RBKS: variants seen among roughly 807,000 people sequenced by gnomAD.
RBKS encodes ribokinase.
RBKS carries 33 observed loss-of-function variants against 33.9 expected under a neutral mutation model. The observed-to-expected ratio is 0.97, with a 90% CI of 0.74 to 1.30. RBKS has a LOEUF of 1.30. Ranked by LOEUF, RBKS falls within the 50% of genes most tolerant of loss-of-function variation. The pLI is 0.00. For missense variants in RBKS, 361 were observed against 392.6 expected (o/e 0.92, Z 0.68); for synonymous variants, 125 against 143.0 (o/e 0.87, Z 0.90).
intron 7 of RBKS, among the ~76,000 whole-genome samples, chr2:27,803,433 C>T (rs894534408): frequency 2.0e-5 from 3 of 152,152 alleles, no homozygotes; most frequent in African/African-American, 7.2e-5. Context: ...TGTGGTGGCT[C>T]ATGCCTGTAA....
At chr2:27,782,559 GT>G in intron 7 of RBKS, 1 of 453,396 alleles carries the variant, frequency 2.2e-6, no homozygotes, top group Non-Finnish European at 4.6e-6. Context: ...GGATATGTCC[GT>G]TTTTCTTACA....
At chr2:27,877,699 C>T (rs1223022944) in intron 1 of RBKS, among the ~76,000 whole-genome samples, 2 of 152,112 alleles carry the variant, frequency 1.3e-5, no homozygotes, top group Non-Finnish European at 2.9e-5. Context: ...TTAGTGTTTC[C>T]TTATAAAAGA....
Position 27,858,560 on chromosome 2 carries a change from C to T in RBKS, c.101G>A (p.Arg34His), listed in dbSNP as rs369972719. The T allele has an allele frequency of 6.3e-5, 102 of 1,612,708 alleles. No individual in the cohort carries two copies. The Admixed American group carries it at 7.7e-4, about 12-fold the overall frequency. ...CMTDLVSLTS[R>H]LPKTGETIHG... ...GATGGTTTCTCCAGTTTTTGGCAAA[C>T]GAGAAGTAAGACTATTGTAATTTAA... The change falls in exon 2 of 8, where the codon CGT becomes CAT. Residue 34 changes from arginine (R) to histidine (H), a missense_variant. Physicochemically the swap from Arg to His is conservative, Grantham distance 29 (BLOSUM62 0). Coordinates refer to ENST00000302188, the MANE Select transcript of RBKS (RefSeq NM_022128.3).
At chr2:27,817,556 T>A (rs960698093) in intron 7 of RBKS, among the ~76,000 whole-genome samples, 2 of 152,208 alleles carry the variant, frequency 1.3e-5, no homozygotes, top group Non-Finnish European at 2.9e-5. Flanking sequence ...AAAGGAGGTT[T>A]AACTGACTCA....
At chr2:27,849,066 A>G (rs1663681193) in intron 2 of RBKS, among the ~76,000 whole-genome samples, 1 of 152,158 alleles carries the variant, frequency 6.6e-6, no homozygotes, top group African/African-American at 2.4e-5. Context: ...AGAGAGAAAC[A>G]TAACAGAAAG....
chr2:27,833,881 C>T (rs538388334), intron 5 of RBKS, among the ~76,000 whole-genome samples: 4 of 152,288 alleles, frequency 2.6e-5, no homozygotes, highest in African/African-American at 9.6e-5. Flanking sequence ...CACTGACTTG[C>T]GTGTTAAGTA....
chr2:27,791,821 G>A (rs2148183867), intron 7 of RBKS, among the ~76,000 whole-genome samples: 1 of 152,198 alleles, frequency 6.6e-6, no homozygotes, highest in South Asian at 2.1e-4. Flanking sequence ...GGGCTGGGGA[G>A]TACTGACTGC....
chr2:27,844,068 C>T (rs1663567944), intron 4 of RBKS, among the ~76,000 whole-genome samples: 1 of 151,958 alleles, frequency 6.6e-6, no homozygotes, highest in Non-Finnish European at 1.5e-5. Flanking sequence ...GAAGACCAGC[C>T]TGGTCAAATG....
chr2:27,795,579 G>A lies in RBKS; in HGVS notation c.796-13791C>T, dbSNP rs1000561147. On this transcript the variant is annotated intron_variant, in intron 7 of 7. Transcript: ENST00000302188. This position sits in a 1 kb window ranked among gnomAD's most constrained non-coding sequence, Gnocchi z 4.1. ...ATTGACCTCATTTCATCTTCACACT[G>A]ACCCTGCACTCCCCCGCCACTGAAA... Among the ~76,000 whole-genome samples the A allele has an allele frequency of 2.0e-5, 3 of 151,926 alleles. No individual in the cohort carries two copies. The highest frequency in any genetic ancestry group is 4.4e-5 in the Non-Finnish European group (3 of 68,002).
intron 7 of RBKS, among the ~76,000 whole-genome samples, chr2:27,824,370 C>A (rs578202339): frequency 6.6e-6 from 1 of 152,274 alleles, no homozygotes; most frequent in Non-Finnish European, 1.5e-5. Flanking sequence ...ACCCATTAGG[C>A]AGTTTCTCCC....
At chr2:27,815,208 T>C (rs921412636) in intron 7 of RBKS, among the ~76,000 whole-genome samples, 4 of 152,018 alleles carry the variant, frequency 2.6e-5, no homozygotes, top group Non-Finnish European at 4.4e-5. Context: ...TAGGTGGTTT[T>C]TTTTCCCCCC....
intron 2 of RBKS, among the ~76,000 whole-genome samples, chr2:27,848,357 C>T (rs1663665465): frequency 6.6e-6 from 1 of 152,142 alleles, no homozygotes; most frequent in Non-Finnish European, 1.5e-5. Flanking sequence ...TTGAGCTGTT[C>T]ATGTGATAAT....
Position 27,865,905 on chromosome 2 carries a change from C to T in RBKS, c.90-7334G>A, listed in dbSNP as rs184996456. On this transcript the variant is annotated intron_variant, in intron 1 of 7. Transcript: ENST00000302188. Reference sequence around the variant, plus strand: ...ACATTTTACTTCCACATGATGTAAACGTCACAATACTGTTATTACTTTATT... The same window carrying T: ...ACATTTTACTTCCACATGATGTAAATGTCACAATACTGTTATTACTTTATT... Among the ~76,000 whole-genome samples the T allele has an allele frequency of 1.4e-4, 22 of 152,226 alleles. No individual in the cohort carries two copies. The South Asian group carries it at 3.5e-3, about 24-fold the overall frequency.
chr2:27,868,093 T>A (rs1664135127), intron 1 of RBKS, among the ~76,000 whole-genome samples: 1 of 152,230 alleles, frequency 6.6e-6, no homozygotes, highest in South Asian at 2.1e-4. Flanking sequence ...TGTCACTACA[T>A]TATAATTATC....
rs1677572560 is a variant in RBKS at position 27,793,262 on chromosome 2, A to G, written c.796-11474T>C. Among the ~76,000 whole-genome samples, 3 of 152,256 alleles carry G rather than the reference A, an allele frequency of 2.0e-5. No homozygotes were observed. The South Asian group carries it at 6.2e-4, about 31-fold the overall frequency. On this transcript the variant is annotated intron_variant, in intron 7 of 7. Coordinates refer to ENST00000302188, the MANE Select transcript of RBKS (RefSeq NM_022128.3). Reference sequence around the variant, plus strand: ...GTGCTGTCTGATTCAGGAAGGAATCATCAATGGAGGCATTAACACTGCTGG... The same window carrying G: ...GTGCTGTCTGATTCAGGAAGGAATCGTCAATGGAGGCATTAACACTGCTGG...
intron 7 of RBKS, among the ~76,000 whole-genome samples, chr2:27,791,368 T>C (rs1001693979): frequency 1.3e-5 from 2 of 152,136 alleles, no homozygotes; most frequent in Non-Finnish European, 2.9e-5. Context: ...TCCTCACCAA[T>C]GTGGGCAGGC....
intron 1 of RBKS, among the ~76,000 whole-genome samples, chr2:27,880,772 A>T (rs1664402845): frequency 6.6e-6 from 1 of 152,218 alleles, no homozygotes; most frequent in Non-Finnish European, 1.5e-5. Context: ...GAGATGACAC[A>T]AACAAATAGA....
At chr2:27,840,350 A>ACG (rs1663460977) in intron 5 of RBKS, among the ~76,000 whole-genome samples, 2 of 137,002 alleles carry the variant, frequency 1.5e-5, no homozygotes, top group Non-Finnish European at 3.0e-5. Context: ...ACACACACAC[A>ACG]CACACGCGCG....
intron 2 of RBKS, among the ~76,000 whole-genome samples, chr2:27,849,881 T>C (rs1663704613): frequency 6.6e-6 from 1 of 152,196 alleles, no homozygotes; most frequent in African/African-American, 2.4e-5. Flanking sequence ...ACCAGAAAAC[T>C]ATGATTGCAA....
Sources: allele counts gnomAD v4.1 joint callset (sites outside exome capture counted in the v4.1 genomes callset), GRCh38; gene constraint gnomAD v4.1.1; non-coding constraint Gnocchi (gnomAD v3.1); transcripts MANE v1.5; gene names NCBI Gene and HGNC (gene_info 2026-07-23, HGNC 2026-07-21).